The following CACNA2D3 variants were observed in gnomAD, a reference collection of about 807,000 sequenced individuals.
CACNA2D3 encodes calcium voltage-gated channel auxiliary subunit alpha2delta 3.
CACNA2D3 carries 60 observed loss-of-function variants against 160.6 expected under a neutral mutation model. That is an observed-to-expected ratio of 0.37 (90% CI 0.30 to 0.46). The LOEUF is 0.46. Among genes scored for constraint, CACNA2D3 ranks in the 20% least tolerant of loss-of-function variants. The pLI is 1.00. For missense variants in CACNA2D3, 1,205 were observed against 1,365.0 expected (o/e 0.88, Z 1.85); for synonymous variants, 558 against 492.9 (o/e 1.13, Z -1.75).
At chr3:54,861,749 T>C (rs1251165011) in intron 17 of CACNA2D3, among the ~76,000 whole-genome samples, 1 of 152,222 alleles carries the variant, frequency 6.6e-6, no homozygotes, top group Non-Finnish European at 1.5e-5. Context: ...GCAATGGACA[T>C]GGTAGGTTGA....
In CACNA2D3 at chr3:54,983,253, A is replaced by G. The variant is rs565479533; in HGVS notation, c.2557-1355A>G. On this transcript the variant is annotated intron_variant, in intron 29 of 37. Transcript: ENST00000474759. ...AGTCACTAACCAGAGGTAGCTGTGG[A>G]ACCCTTGAAATGTGACTTGTGCAAC... Among the ~76,000 whole-genome samples the G allele has an allele frequency of 7.9e-5, 12 of 152,354 alleles. No individual in the cohort carries two copies. In the South Asian group the frequency reaches 1.7e-3, roughly 21 times the overall value.
intron 9 of CACNA2D3, among the ~76,000 whole-genome samples, chr3:54,613,517 C>T (rs73844116): frequency 0.018 from 2,751 of 152,300 alleles, 96 homozygotes; most frequent in African/African-American, 0.062. Context: ...TCTGTTTACT[C>T]ATGGTCCACT....
intron 35 of CACNA2D3, among the ~76,000 whole-genome samples, chr3:55,021,836 G>A (rs1703463792): frequency 6.6e-6 from 1 of 151,578 alleles, no homozygotes; most frequent in Admixed American, 6.6e-5. Flanking sequence ...GGGAGTTGAG[G>A]CCATCCTTTT....
chr3:54,354,471 T>A (rs573207130), intron 3 of CACNA2D3, among the ~76,000 whole-genome samples: 3 of 152,212 alleles, frequency 2.0e-5, no homozygotes. Context: ...TTAAAAAAAA[T>A]GACAAACAGT....
At chr3:55,050,356 C>T (rs1189925428) in intron 35 of CACNA2D3, among the ~76,000 whole-genome samples, 1 of 151,920 alleles carries the variant, frequency 6.6e-6, no homozygotes, top group East Asian at 1.9e-4. Flanking sequence ...TTCTCCTTCA[C>T]TTCTGAAGCT....
chr3:54,673,175 C>T (rs1231237495), intron 11 of CACNA2D3, among the ~76,000 whole-genome samples: 1 of 152,174 alleles, frequency 6.6e-6, no homozygotes, highest in Non-Finnish European at 1.5e-5. Context: ...ATTCACCTCT[C>T]TTAGAGTCTA....
At chr3:54,600,439 G>A (rs1703039949) in intron 9 of CACNA2D3, among the ~76,000 whole-genome samples, 1 of 152,172 alleles carries the variant, frequency 6.6e-6, no homozygotes, top group African/African-American at 2.4e-5. Flanking sequence ...GTGGGTATTT[G>A]CTACAAACTC....
chr3:54,612,637 G>T (rs72868869), intron 9 of CACNA2D3, among the ~76,000 whole-genome samples: 1 of 152,124 alleles, frequency 6.6e-6, no homozygotes, highest in South Asian at 2.1e-4. Flanking sequence ...GGTGAGTAGA[G>T]ATATATTAAT....
intron 4 of CACNA2D3, among the ~76,000 whole-genome samples, chr3:54,490,359 C>G (rs1035974765): frequency 6.6e-6 from 1 of 152,194 alleles, no homozygotes; most frequent in African/African-American, 2.4e-5. Context: ...CGCCCTGGCT[C>G]TCCGGGCCAT....
At chr3:54,441,567 T>C (rs1700145295) in intron 4 of CACNA2D3, among the ~76,000 whole-genome samples, 1 of 152,258 alleles carries the variant, frequency 6.6e-6, no homozygotes, top group African/African-American at 2.4e-5. Flanking sequence ...TGCCCATGCC[T>C]ATGTCCTGAA....
chr3:54,722,123 T>G (rs1159005506), intron 11 of CACNA2D3, among the ~76,000 whole-genome samples: 1 of 152,246 alleles, frequency 6.6e-6, no homozygotes, highest in Non-Finnish European at 1.5e-5. Context: ...TTATTCTTTT[T>G]TCTCTAATCT....
chr3:54,968,460 T>C lies in CACNA2D3; in HGVS notation c.2460T>C (p.Ile820=). The change falls in exon 28 of 38, where the codon ATT becomes ATC. Residue 820 remains isoleucine (I), a synonymous_variant. Coordinates refer to ENST00000474759, the MANE Select transcript of CACNA2D3 (RefSeq NM_018398.3). The stretch of plus-strand genomic sequence containing the variant: ...TATAATTTGTCCCAGCTGTAGGCAT[T>C]CAGATGAAACTTGAATTTTTCCAAA... ...RKSPVVAAVG[I]QMKLEFFQRK... The C allele has an allele frequency of 6.2e-7, 1 of 1,608,036 alleles. No individual in the cohort carries two copies. Among genetic ancestry groups the C allele is most frequent in the Non-Finnish European group, 8.5e-7 (1 of 1,176,434 alleles).
At chr3:54,417,466 C>G (rs986607244) in intron 4 of CACNA2D3, among the ~76,000 whole-genome samples, 12 of 152,076 alleles carry the variant, frequency 7.9e-5, no homozygotes, top group East Asian at 5.8e-4. Context: ...CTTTCCTGAT[C>G]TAGAATTATC....
At chr3:54,709,757 C>T (rs1442124130) in intron 11 of CACNA2D3, among the ~76,000 whole-genome samples, 1 of 152,078 alleles carries the variant, frequency 6.6e-6, no homozygotes, top group South Asian at 2.1e-4. Flanking sequence ...AGACCCTATC[C>T]ATACAAAAAA....
At chr3:54,352,758 A>T (rs964507304) in intron 3 of CACNA2D3, among the ~76,000 whole-genome samples, 2 of 152,264 alleles carry the variant, frequency 1.3e-5, no homozygotes, top group Non-Finnish European at 2.9e-5. Flanking sequence ...ATACACACCA[A>T]TGTTAGCAAC....
chr3:55,054,484 G>T lies in CACNA2D3; in HGVS notation c.2988-18961G>T, dbSNP rs1193712286. On this transcript the variant is annotated intron_variant, in intron 35 of 37. Transcript: ENST00000474759. Reference sequence around the variant, plus strand: ...AAATATTTTATTCTTTCTGTTTTAAGATTTGCATTTGGTTCATTTATATAG... The same window carrying T: ...AAATATTTTATTCTTTCTGTTTTAATATTTGCATTTGGTTCATTTATATAG... Among the ~76,000 whole-genome samples, 3 of 151,634 alleles carry T rather than the reference G, an allele frequency of 2.0e-5. No individual in the cohort carries two copies. The East Asian group carries it at 5.8e-4, about 29-fold the overall frequency.
At chr3:54,245,607 T>C (rs993152985) in intron 2 of CACNA2D3, among the ~76,000 whole-genome samples, 19 of 152,186 alleles carry the variant, frequency 1.2e-4, no homozygotes, top group African/African-American at 4.6e-4. Context: ...TCAGTCAACT[T>C]TGGGCCATTG....
In CACNA2D3 at chr3:54,166,254, T is replaced by G. The variant is rs568629046; in HGVS notation, c.204+42660T>G. 2.7e-4 allele frequency among the ~76,000 whole-genome samples: 41 copies of G among 152,366 alleles called. No individual in the cohort carries two copies. The South Asian group carries it at 8.5e-3, about 32-fold the overall frequency. ...TTTTCCAGCAGATACTCTGTGGTCCTGAGGACCACTGGCAACCAAAGTCCA... is the reference window on the plus strand; with the variant it reads ...TTTTCCAGCAGATACTCTGTGGTCCGGAGGACCACTGGCAACCAAAGTCCA... On this transcript the variant is annotated intron_variant, in intron 2 of 37. Coordinates refer to ENST00000474759, the MANE Select transcript of CACNA2D3 (RefSeq NM_018398.3).
intron 3 of CACNA2D3, among the ~76,000 whole-genome samples, chr3:54,352,925 C>T (rs73841995): frequency 0.037 from 5,657 of 152,180 alleles, 376 homozygotes; most frequent in African/African-American, 0.13. Context: ...TGAGATGTTT[C>T]CATACAGGCG....
Sources: allele counts gnomAD v4.1 joint callset (sites outside exome capture counted in the v4.1 genomes callset), GRCh38; gene constraint gnomAD v4.1.1; transcripts MANE v1.5; gene names NCBI Gene and HGNC (gene_info 2026-07-23, HGNC 2026-07-21).